Variants in MACIR observed in about 807,000 individuals in gnomAD.
MACIR encodes macrophage immunometabolism regulator, also known as UNC119-binding protein C5orf30.
A neutral mutation model predicts 14.3 loss-of-function variants in MACIR; 4 were observed. That is an observed-to-expected ratio of 0.28 (90% CI 0.14 to 0.64). MACIR has a LOEUF of 0.64. Among genes scored for constraint, MACIR ranks in the 30% least tolerant of loss-of-function variants. MACIR has a pLI of 0.83. For missense variants in MACIR, 228 were observed against 257.6 expected, an observed-to-expected ratio of 0.89 and a Z score of 0.79; for synonymous variants, 101 against 102.4, an observed-to-expected ratio of 0.99 and a Z score of 0.08.
chr5:103,258,379 C>T (rs1363239292), upstream of MACIR, among the ~76,000 whole-genome samples: 7 of 151,394 alleles, frequency 4.6e-5, no homozygotes, highest in African/African-American at 1.5e-4. Context: ...TAAGCAGAGA[C>T]TCACAAGTGA....
At chr5:103,268,425 G>A (rs1383882389) in intron 2 of MACIR, among the ~76,000 whole-genome samples, 6 of 152,104 alleles carry the variant, frequency 3.9e-5, no homozygotes. Context: ...GCCCACAGAG[G>A]ATTAGGAACA....
In MACIR at chr5:103,277,145, A is replaced by G. The variant is rs1391979562; in HGVS notation, c.*605A>G. On this transcript the variant is annotated 3_prime_UTR_variant, in exon 3 of 3. Transcript: ENST00000319933. ...AATGTTATTGAGCAATGAATTTTTTATTTCCGCATGGAAAGTTATTGATCT... is the reference window on the plus strand; with the variant it reads ...AATGTTATTGAGCAATGAATTTTTTGTTTCCGCATGGAAAGTTATTGATCT... 6.0e-6 allele frequency: 1 copy of G among 166,940 alleles called. No homozygotes were observed. Among genetic ancestry groups the G allele is most frequent in the Non-Finnish European group, 1.5e-5 (1 of 68,070 alleles). The allele number at this position is 166,940 out of a possible 1,614,324, so 10.3% of individuals were successfully genotyped here. A position where few individuals can be genotyped will look rare whatever the true frequency, so the allele number is the denominator to read the frequency against.
intron 1 of MACIR, chr5:103,259,695 CGTGT>C (rs1804601161): frequency 6.6e-6 from 1 of 152,390 alleles, no homozygotes; most frequent in African/African-American, 2.4e-5. Context: ...CGTGTGTGCG[CGTGT>C]GGATTGGGGC....
chr5:103,264,525 A>G (rs1554236593), intron 1 of MACIR, among the ~76,000 whole-genome samples: 1 of 152,104 alleles, frequency 6.6e-6, no homozygotes, highest in East Asian at 1.9e-4. Context: ...GTAGGTAACA[A>G]TTTTTGTTAC....
intron 2 of MACIR, 121 bp from the exon 3 acceptor site, chr5:103,275,776 G>T: frequency 1.3e-6 from 1 of 749,568 alleles, no homozygotes; most frequent in Non-Finnish European, 2.2e-6. Context: ...ACATGTCAGT[G>T]GTACATTGAC....
At chr5:103,266,326 C>G (rs868964653) in intron 2 of MACIR, among the ~76,000 whole-genome samples, 1 of 151,994 alleles carries the variant, frequency 6.6e-6, no homozygotes, top group Non-Finnish European at 1.5e-5. Flanking sequence ...CAATTTGGGG[C>G]AAATTTTAGT....
At position 103,276,121 on chromosome 5, in the gene MACIR, G is replaced by A. The variant is rs146463444; in HGVS notation, c.202G>A (p.Glu68Lys). 5.6e-5 allele frequency: 91 copies of A among 1,613,858 alleles called. No homozygotes were observed. Among genetic ancestry groups the A allele is most frequent in the African/African-American group, 1.2e-4 (9 of 74,832 alleles). The change falls in exon 3 of 3, where the codon GAG (glutamate) becomes AAG (lysine). Residue 68 changes from glutamate to lysine, a missense_variant. By Grantham distance (56) the Glu-to-Lys change is moderately conservative. Transcript: ENST00000319933. ...SNYLVGFTTGEELLKLAQKCT... is the reference protein window; with the variant it reads ...SNYLVGFTTGKELLKLAQKCT... ...CTATTTGGTTGGCTTCACGACTGGC[G>A]AGGAACTCCTGAAGTTAGCTCAGAA...
rs539344243 is a variant in MACIR at position 103,270,362 on chromosome 5, A to G, written c.-24+4365A>G. Among the ~76,000 whole-genome samples the G allele has an allele frequency of 2.0e-5, 3 of 152,308 alleles. No individual in the cohort carries two copies. The South Asian group carries it at 6.2e-4, about 32-fold the overall frequency. ...GTACTCTTGCATGTTTTCATTGTAGAAAGAAGTAATCACTCACTCTTACAT... is the reference window on the plus strand; with the variant it reads ...GTACTCTTGCATGTTTTCATTGTAGGAAGAAGTAATCACTCACTCTTACAT... On this transcript the variant is annotated intron_variant, in intron 2 of 2. Transcript: ENST00000319933.
intron 2 of MACIR, among the ~76,000 whole-genome samples, chr5:103,271,974 T>G (rs991167024): frequency 3.3e-5 from 5 of 152,218 alleles, no homozygotes; most frequent in Admixed American, 2.0e-4. Context: ...GCATTAGACC[T>G]GATTTCTTGA....
At position 103,276,962 on chromosome 5, in the gene MACIR, T is replaced by A. The variant is rs1554237836; in HGVS notation, c.*422T>A. ...TCTGTATTTTACTATAAAATGTATG[T>A]AATGATTTGTTTTATGAAATTTAGA... On this transcript the variant is annotated 3_prime_UTR_variant, in exon 3 of 3. Transcript: ENST00000319933. 5.9e-6 allele frequency: 1 copy of A among 168,426 alleles called. No individual in the cohort carries two copies. Among genetic ancestry groups the A allele is most frequent in the African/African-American group, 2.4e-5 (1 of 41,524 alleles). The allele number at this position is 168,426 out of a possible 1,614,324, so 10.4% of individuals were successfully genotyped here.
Position 103,278,633 on chromosome 5 carries a change from A to C in MACIR, c.*2093A>C, listed in dbSNP as rs1805418695. 1 of 167,136 alleles carries C rather than the reference A, an allele frequency of 6.0e-6. No homozygotes were observed. Among genetic ancestry groups the C allele is most frequent in the East Asian group, 1.9e-4 (1 of 5,212 alleles). 10.4% of individuals were successfully genotyped at this position (167,136 alleles called of 1,614,324 possible). A position where few individuals can be genotyped will look rare whatever the true frequency, so the allele number is the denominator to read the frequency against. ...TGTCCGTGTGCCTACGTTCCTTAAT[A>C]ATAGCTAAATAAAAATTTGTAGCTT... On this transcript the variant is annotated 3_prime_UTR_variant, in exon 3 of 3. Coordinates refer to ENST00000319933, the MANE Select transcript of MACIR (RefSeq NM_033211.4).
chr5:103,262,442 A>G (rs1420420296), intron 1 of MACIR, among the ~76,000 whole-genome samples: 1 of 152,220 alleles, frequency 6.6e-6, no homozygotes, highest in Non-Finnish European at 1.5e-5. Flanking sequence ...TTGAGAGTTA[A>G]AGGGGGTTGC....
intron 1 of MACIR, chr5:103,259,397 G>A (rs1464850745): frequency 6.6e-6 from 1 of 152,150 alleles, no homozygotes; most frequent in African/African-American, 2.4e-5. Flanking sequence ...GTCGGGGCGC[G>A]TTGGCGCGCA....
chr5:103,275,807 C>A (rs1554237592), intron 2 of MACIR, 90 bp from the exon 3 acceptor site: 1 of 1,090,640 alleles, frequency 9.2e-7, no homozygotes, highest in Admixed American at 2.6e-5. Flanking sequence ...GCAAGTGTTA[C>A]TTCATGCTCC....
At chr5:103,260,667 T>C (rs781802788) in intron 1 of MACIR, among the ~76,000 whole-genome samples, 3 of 152,244 alleles carry the variant, frequency 2.0e-5, no homozygotes, top group Non-Finnish European at 1.5e-5. Context: ...GTCAATGAAT[T>C]TGCTTATTTT....
rs1233175821 is a variant in MACIR at position 103,277,098 on chromosome 5, AT to A, written c.*559del. 2 of 167,068 alleles carry A rather than the reference AT, an allele frequency of 1.2e-5. No homozygotes were observed. The highest frequency in any genetic ancestry group is 4.8e-5 in the African/African-American group (2 of 41,442). The allele number at this position is 167,068 out of a possible 1,614,324, so 10.3% of individuals were successfully genotyped here. ...AACATTTCAGATTGACAAGAGAGTA[AT>A]CTTTCTTCACTTGCCTCAATAATGT... is the stretch of plus-strand genomic sequence containing the variant. On this transcript the variant is annotated 3_prime_UTR_variant, in exon 3 of 3. Transcript: ENST00000319933.
At chr5:103,263,900 T>C (rs904375638) in intron 1 of MACIR, among the ~76,000 whole-genome samples, 1 of 152,094 alleles carries the variant, frequency 6.6e-6, no homozygotes, top group African/African-American at 2.4e-5. Flanking sequence ...TTTTAGAAAA[T>C]AGAAGCTCAT....
chr5:103,271,169 A>C (rs1417686241), intron 2 of MACIR, among the ~76,000 whole-genome samples: 1 of 152,106 alleles, frequency 6.6e-6, no homozygotes, highest in South Asian at 2.1e-4. Flanking sequence ...TAATTTTTTG[A>C]GTTTCTTAAA....
intron 2 of MACIR, among the ~76,000 whole-genome samples, chr5:103,275,098 T>C (rs1487505953): frequency 6.6e-6 from 1 of 152,202 alleles, no homozygotes; most frequent in Non-Finnish European, 1.5e-5. Flanking sequence ...ACGTCTTGGG[T>C]ATTGAAAAAC....
Sources: gnomAD v4.1 joint callset for allele counts (sites outside exome capture counted in the v4.1 genomes callset) on GRCh38, gnomAD v4.1.1 for gene constraint, MANE v1.5 for transcripts, NCBI Gene and HGNC (gene_info 2026-07-23, HGNC 2026-07-21) for gene names.